The following ARRB1 variants were observed in gnomAD, a reference collection of about 807,000 sequenced individuals.
ARRB1 encodes arrestin beta 1.
ARRB1 carries 21 observed loss-of-function variants against 56.8 expected under a neutral mutation model. That is an observed-to-expected ratio of 0.37 (90% confidence interval 0.26 to 0.53). The LOEUF is 0.53. ARRB1 is among the 20% of genes least tolerant of loss of function. The pLI is 0.88. For missense variants in ARRB1, 424 were observed against 553.7 expected, an observed-to-expected ratio of 0.77 and a Z score of 2.35; for synonymous variants, 210 against 218.6, an observed-to-expected ratio of 0.96 and a Z score of 0.35.
intron 1 of ARRB1, among the ~76,000 whole-genome samples, chr11:75,339,516 C>G (rs1426814003): frequency 3.3e-5 from 5 of 152,190 alleles, no homozygotes; most frequent in African/African-American, 1.2e-4. Flanking sequence ...GAAGTCAGTC[C>G]TGGATGAAAA....
intron 10 of ARRB1, among the ~76,000 whole-genome samples, chr11:75,276,517 T>C (rs1177444780): frequency 6.6e-6 from 1 of 152,226 alleles, no homozygotes; most frequent in Non-Finnish European, 1.5e-5. Context: ...GAACAAAGTA[T>C]TTCCCTTCAA....
rs747702568 is a variant in ARRB1 at position 75,281,062 on chromosome 11, G to A, written c.482+13C>T. 2.5e-6 allele frequency: 4 copies of A among 1,597,246 alleles called. No individual in the cohort carries two copies. The highest frequency in any genetic ancestry group is 2.6e-6 in the Non-Finnish European group (3 of 1,171,242). ...CACCCAGCAGGCGGCCCACACCCTG[G>A]CATCCTACTCACCGCTTGTGGATCT... On this transcript the variant is annotated intron_variant, in intron 7 of 15. Transcript: ENST00000420843.
intron 1 of ARRB1, among the ~76,000 whole-genome samples, chr11:75,329,051 C>G (rs996545173): frequency 1.3e-5 from 2 of 151,074 alleles, no homozygotes; most frequent in Admixed American, 6.6e-5. Flanking sequence ...ACACTAGAAA[C>G]AGCACTTCGC....
intron 2 of ARRB1, among the ~76,000 whole-genome samples, chr11:75,288,605 T>C (rs1946535650): frequency 6.9e-6 from 1 of 144,322 alleles, no homozygotes; most frequent in Admixed American, 7.2e-5. Flanking sequence ...CACCCTAAAA[T>C]GCAAATCTTT....
In ARRB1 at chr11:75,266,127, T is replaced by G. The variant is rs775674054; in HGVS notation, c.*36A>C. ...GAGTAAGCATCCGAGTGCACGAGAG[T>G]GGAGCCGGAGCCACGTGGAGGCAGG... On this transcript the variant is annotated 3_prime_UTR_variant, in exon 16 of 16. Transcript: ENST00000420843. 2.6e-6 allele frequency: 4 copies of G among 1,519,624 alleles called. No homozygotes were observed. Among genetic ancestry groups the G allele is most frequent in the African/African-American group, 1.4e-5 (1 of 72,818 alleles). 94.1% of individuals were successfully genotyped at this position (1,519,624 alleles called of 1,614,324 possible).
intron 1 of ARRB1, among the ~76,000 whole-genome samples, chr11:75,333,645 T>A (rs796710600): frequency 4.6e-5 from 7 of 152,138 alleles, no homozygotes; most frequent in African/African-American, 1.4e-4. Flanking sequence ...CCTATGGGGG[T>A]GAGGAGAGGA....
chr11:75,342,128 G>T (rs1323855147), intron 1 of ARRB1, among the ~76,000 whole-genome samples: 1 of 152,206 alleles, frequency 6.6e-6, no homozygotes, highest in Non-Finnish European at 1.5e-5. Flanking sequence ...TGAGATCCCT[G>T]TCTCCCAGGC....
At position 75,268,823 on chromosome 11, in the gene ARRB1, G is replaced by A; in HGVS notation, c.1093+66C>T. On this transcript the variant is annotated intron_variant, in intron 14 of 15. Transcript: ENST00000420843. Reference sequence around the variant, plus strand: ...GCTGAGGGCGAACCCGGGGCGGGGTGGGTTACAGGGTCACGTGGCAGCTGC... The same window carrying A: ...GCTGAGGGCGAACCCGGGGCGGGGTAGGTTACAGGGTCACGTGGCAGCTGC... The A allele has an allele frequency of 9.0e-6, 14 of 1,548,394 alleles. No individual in the cohort carries two copies. In the South Asian group the frequency reaches 1.6e-4, roughly 18 times the overall value.
intron 1 of ARRB1, among the ~76,000 whole-genome samples, chr11:75,325,869 G>A (rs2140500835): frequency 6.6e-6 from 1 of 152,288 alleles, no homozygotes; most frequent in African/African-American, 2.4e-5. Context: ...CACGCCCAGG[G>A]CTCTCTGGTC....
intron 8 of ARRB1, 54 bp from the exon 9 acceptor site, chr11:75,277,502 G>A: frequency 6.6e-7 from 1 of 1,514,324 alleles, no homozygotes; most frequent in Non-Finnish European, 9.2e-7. Flanking sequence ...AGGTTCTAGG[G>A]AAAGGGGAGG....
At chr11:75,343,307 A>T (rs568793238) in intron 1 of ARRB1, among the ~76,000 whole-genome samples, 19 of 152,258 alleles carry the variant, frequency 1.2e-4, no homozygotes, top group Non-Finnish European at 2.4e-4. Context: ...GCCTTGAAGG[A>T]TGGGACAGCT....
At chr11:75,270,056 C>G (rs1946041099) in intron 13 of ARRB1, among the ~76,000 whole-genome samples, 1 of 152,240 alleles carries the variant, frequency 6.6e-6, no homozygotes, top group Non-Finnish European at 1.5e-5. Flanking sequence ...AAGGTCTGTT[C>G]CACCAGCCTC....
intron 1 of ARRB1, among the ~76,000 whole-genome samples, chr11:75,310,972 A>G (rs1591962403): frequency 6.6e-6 from 1 of 152,200 alleles, no homozygotes; most frequent in Admixed American, 6.5e-5. Flanking sequence ...TGTACTGCCC[A>G]CATAGGGTAG....
chr11:75,271,775 G>A, intron 12 of ARRB1, 51 bp from the exon 13 acceptor site: 4 of 1,537,666 alleles, frequency 2.6e-6, no homozygotes, highest in Admixed American at 4.1e-5. Flanking sequence ...AGTTCAGAGA[G>A]GAAGAAAACA....
intron 1 of ARRB1, among the ~76,000 whole-genome samples, chr11:75,307,850 G>A (rs1947065783): frequency 6.6e-6 from 1 of 152,330 alleles, no homozygotes; most frequent in Non-Finnish European, 1.5e-5. Context: ...GGGCAACAGG[G>A]GGATCCCTGA....
chr11:75,269,008 G>A (rs1306056379), intron 13 of ARRB1, 49 bp from the exon 14 acceptor site: 1 of 1,575,466 alleles, frequency 6.3e-7, no homozygotes, highest in Non-Finnish European at 8.7e-7. Context: ...CTCACAGGCT[G>A]TGAGACTTGA....
At chr11:75,319,131 A>G (rs1947307382) in intron 1 of ARRB1, among the ~76,000 whole-genome samples, 1 of 152,186 alleles carries the variant, frequency 6.6e-6, no homozygotes. Flanking sequence ...TATGTTAGGT[A>G]GCTAGAACCT....
In ARRB1 at chr11:75,264,027, CGCCTGCCCAGATGAGGTGCA is replaced by C; in HGVS notation, c.*2116_*2135del. Among the ~76,000 whole-genome samples, 1 of 152,314 alleles carries C rather than the reference CGCCTGCCCAGATGAGGTGCA, an allele frequency of 6.6e-6. No homozygotes were observed. Among genetic ancestry groups the C allele is most frequent in the Middle Eastern group, 3.4e-3 (1 of 294 alleles). ...TTGCTCCAGCATTTCATCAGCTCTG[CGCCTGCCCAGATGAGGTGCA>C]GCCTGCCCAGCAAGCTCTAGGAGGG... On this transcript the variant is annotated 3_prime_UTR_variant, in exon 16 of 16. Transcript: ENST00000420843.
chr11:75,290,127 A>G, intron 1 of ARRB1, 88 bp from the exon 2 acceptor site: 2 of 1,553,676 alleles, frequency 1.3e-6, no homozygotes, highest in Non-Finnish European at 1.8e-6. Context: ...AGGACTGGGG[A>G]CCAGGGCTGG....
Sources: allele counts gnomAD v4.1 joint callset (sites outside exome capture counted in the v4.1 genomes callset), GRCh38; gene constraint gnomAD v4.1.1; transcripts MANE v1.5; gene names NCBI Gene and HGNC (gene_info 2026-07-23, HGNC 2026-07-21).